The following ARFGEF2 variants were observed in gnomAD, a reference collection of about 807,000 sequenced individuals.
The protein encoded by ARFGEF2 is brefeldin A-inhibited guanine nucleotide-exchange protein 2.
Under a neutral mutation model 219.9 loss-of-function variants are expected in ARFGEF2, and 74 were observed. The ratio of observed to expected loss-of-function variants is 0.34; its 90% CI spans 0.28 to 0.41. The LOEUF is 0.41. ARFGEF2 is among the 10% of genes least tolerant of loss of function. The pLI is 1.00. For synonymous variants in ARFGEF2, 733 were observed against 799.2 expected (o/e 0.92, Z 1.40); for missense variants, 1,743 against 2,218.3 (o/e 0.79, Z 4.30).
At chr20:48,928,215 T>C (rs910584462) in intron 1 of ARFGEF2, among the ~76,000 whole-genome samples, 17 of 146,530 alleles carry the variant, frequency 1.2e-4, no homozygotes, top group Admixed American at 1.0e-3. Flanking sequence ...TTTTTTTTTT[T>C]TGAGACGGAG....
At chr20:48,993,892 C>T (rs1436201203) in intron 21 of ARFGEF2, among the ~76,000 whole-genome samples, 1 of 152,088 alleles carries the variant, frequency 6.6e-6, no homozygotes, top group Non-Finnish European at 1.5e-5. Flanking sequence ...GTGAACAAGA[C>T]AGAGTTAATG....
At chr20:48,986,378 C>A (rs1398152077) in intron 16 of ARFGEF2, among the ~76,000 whole-genome samples, 1 of 152,068 alleles carries the variant, frequency 6.6e-6, no homozygotes, top group African/African-American at 2.4e-5. Flanking sequence ...CCTGTAATCC[C>A]AGCACTTTGG....
At chr20:48,959,472 T>TTCCCTCCGTCC (rs2091128049) in intron 6 of ARFGEF2, among the ~76,000 whole-genome samples, 1 of 2,308 alleles carries the variant, frequency 4.3e-4, no homozygotes, top group Non-Finnish European at 8.9e-4. Flanking sequence ...TCCCTTCTTC[T>TTCCCTCCGTCC]CTCCTTCTCT....
chr20:48,953,821 C>G (rs767636886), intron 6 of ARFGEF2, 31 bp downstream of exon 6: 34 of 1,598,644 alleles, frequency 2.1e-5, no homozygotes, highest in Non-Finnish European at 2.7e-5. Context: ...GCTCTTTTTC[C>G]AAGTGTGAGA....
In ARFGEF2 at chr20:49,035,825, C is replaced by A; in HGVS notation, c.*2626C>A. On this transcript the variant is annotated 3_prime_UTR_variant, in exon 39 of 39. Transcript: ENST00000371917. ...GAAATCACCAGCTTTGGCATCTTAA[C>A]AACAAACAGTGGATGGGTAATTTTT... 2 of 182,902 alleles carry A rather than the reference C, an allele frequency of 1.1e-5. No homozygotes were observed. Among genetic ancestry groups the A allele is most frequent in the Non-Finnish European group, 2.3e-5 (2 of 88,852 alleles). 11.3% of individuals were successfully genotyped at this position (182,902 alleles called of 1,614,324 possible).
intron 1 of ARFGEF2, among the ~76,000 whole-genome samples, 170 bp downstream of exon 1, chr20:48,922,180 C>T (rs969349520): frequency 6.6e-6 from 1 of 152,254 alleles, no homozygotes; most frequent in Non-Finnish European, 1.5e-5. Flanking sequence ...GCCCGGGCAG[C>T]TCGGGACTGG....
intron 1 of ARFGEF2, among the ~76,000 whole-genome samples, chr20:48,935,829 C>T (rs2090946680): frequency 7.4e-6 from 1 of 135,916 alleles, no homozygotes; most frequent in Non-Finnish European, 1.6e-5. Context: ...GGCTGACCCC[C>T]CAACCTCCCT....
Position 49,022,017 on chromosome 20 carries a change from G to A in ARFGEF2, c.4625-1034G>A, listed in dbSNP as rs190595744. 1.2e-3 allele frequency among the ~76,000 whole-genome samples: 186 copies of A among 151,258 alleles called. 2 individuals are homozygous for A. The highest frequency in any genetic ancestry group is 1.5e-3 in the Non-Finnish European group (104 of 67,844). On this transcript the variant is annotated intron_variant, in intron 34 of 38. Coordinates refer to ENST00000371917, the MANE Select transcript of ARFGEF2 (RefSeq NM_006420.3). ...ACAAAAAACTAGCTGACACAGTGGC[G>A]CACACCTGTAATCCCAGCTACCAGC...
chr20:49,011,514 C>G (rs906785582), intron 27 of ARFGEF2, among the ~76,000 whole-genome samples: 1 of 152,206 alleles, frequency 6.6e-6, no homozygotes, highest in African/African-American at 2.4e-5. Context: ...CTCGGGCAGT[C>G]GAGCCCAGAG....
chr20:49,017,271 A>T lies in ARFGEF2; in HGVS notation c.4338A>T (p.Ser1446=). Residue 1446 remains serine (S), a synonymous_variant, in exon 32 of 39, where the codon TCA becomes TCT. Transcript: ENST00000371917. ...VKQDNEQLAR[S]GTNCLENLVI... is the part of the protein sequence containing the mutation. ...CAGATAATGAACAGTTGGCGCGATC[A>T]GGTACAAATTGCTTAGAAAACTTAG... 6.2e-7 allele frequency: 1 copy of T among 1,614,032 alleles called. No homozygotes were observed.
chr20:49,015,522 AAT>A (rs1310421419), intron 30 of ARFGEF2, among the ~76,000 whole-genome samples: 2 of 152,312 alleles, frequency 1.3e-5, no homozygotes, highest in African/African-American at 4.8e-5. Flanking sequence ...ACAGCACTGA[AAT>A]GAACATTTTT....
At chr20:49,004,569 G>A (rs1316000601) in intron 25 of ARFGEF2, among the ~76,000 whole-genome samples, 1 of 151,996 alleles carries the variant, frequency 6.6e-6, no homozygotes, top group Non-Finnish European at 1.5e-5. Context: ...GGGAGGCCAA[G>A]GCAGGTGGAT....
chr20:48,923,381 T>C (rs2090855670), intron 1 of ARFGEF2, among the ~76,000 whole-genome samples: 1 of 152,236 alleles, frequency 6.6e-6, no homozygotes. Flanking sequence ...TGGTGAACTT[T>C]GCACTTCCCT....
intron 25 of ARFGEF2, among the ~76,000 whole-genome samples, chr20:49,000,952 G>A (rs2091421254): frequency 6.6e-6 from 1 of 152,080 alleles, no homozygotes; most frequent in African/African-American, 2.4e-5. Flanking sequence ...ACATAGGGTG[G>A]CAGGTGGGAA....
At chr20:48,978,145 A>T (rs1015461239) in intron 14 of ARFGEF2, among the ~76,000 whole-genome samples, 1 of 152,146 alleles carries the variant, frequency 6.6e-6, no homozygotes, top group Admixed American at 6.5e-5. Context: ...ATCTTGAATT[A>T]ATTTTTGTCT....
At chr20:48,946,431 C>G (rs1229450629) in intron 3 of ARFGEF2, among the ~76,000 whole-genome samples, 1 of 151,750 alleles carries the variant, frequency 6.6e-6, no homozygotes, top group East Asian at 1.9e-4. Flanking sequence ...TCAGTCTTGT[C>G]TAAGCTACTA....
Position 48,921,875 on chromosome 20 carries a change from C to G in ARFGEF2, c.-15C>G. The G allele has an allele frequency of 1.3e-6, 2 of 1,525,116 alleles. No individual in the cohort carries two copies. The highest frequency in any genetic ancestry group is 1.8e-6 in the Non-Finnish European group (2 of 1,134,728). 94.5% of individuals were successfully genotyped at this position (1,525,116 alleles called of 1,614,324 possible). On this transcript the variant is annotated 5_prime_UTR_variant, in exon 1 of 39. Transcript: ENST00000371917. ...GCCCGCCCGCGGGGCCGTCAGCCCC[C>G]GCCGGGCCGGGGCCATGCAGGAGAG...
intron 1 of ARFGEF2, among the ~76,000 whole-genome samples, chr20:48,931,067 G>A (rs552646671): frequency 6.6e-6 from 1 of 152,358 alleles, no homozygotes; most frequent in South Asian, 2.1e-4. Context: ...AGACATGTGG[G>A]TCATTGGTGG....
Position 48,973,235 on chromosome 20 carries a change from A to G in ARFGEF2, c.1616A>G (p.Lys539Arg). The G allele has an allele frequency of 6.2e-7, 1 of 1,614,188 alleles. No individual in the cohort carries two copies. Reference sequence around the variant, plus strand: ...GAGCGCCTTGTAAATGATTTATCCAAAATTGCTCAGGGAAGAAGTGGACAT... The same window carrying G: ...GAGCGCCTTGTAAATGATTTATCCAGAATTGCTCAGGGAAGAAGTGGACAT... Reference protein sequence around the residue: ...IFERLVNDLSKIAQGRSGHEL... With the variant: ...IFERLVNDLSRIAQGRSGHEL... The change falls in exon 12 of 39, where the codon AAA (lysine) becomes AGA (arginine). Residue 539 changes from lysine to arginine, a missense_variant. Transcript: ENST00000371917.
Sources: allele counts gnomAD v4.1 joint callset (sites outside exome capture counted in the v4.1 genomes callset), GRCh38; gene constraint gnomAD v4.1.1; transcripts MANE v1.5; gene names NCBI Gene and HGNC (gene_info 2026-07-23, HGNC 2026-07-21).